The following PCOLCE2 variants were observed in gnomAD, a reference collection of about 807,000 sequenced individuals.
PCOLCE2 encodes the protein procollagen C-proteinase enhancer 2.
Under a neutral mutation model 47.0 loss-of-function variants are expected in PCOLCE2, and 42 were observed. That is an observed-to-expected ratio of 0.89 (90% confidence interval 0.70 to 1.16). The LOEUF (loss-of-function observed/expected upper bound fraction) is 1.16. Among genes scored for constraint, PCOLCE2 ranks in the 50% most tolerant of loss-of-function variants. The pLI is 0.00. For synonymous variants in PCOLCE2, 169 were observed against 191.7 expected (o/e 0.88, Z 0.98); for missense variants, 500 against 526.1 (o/e 0.95, Z 0.49).
At chr3:142,856,200 C>T (rs112875137) in intron 2 of PCOLCE2, among the ~76,000 whole-genome samples, 2,345 of 152,280 alleles carry the variant, frequency 0.015, 64 homozygotes, top group African/African-American at 0.054. Context: ...AAGCACCTCA[C>T]TTTCGAGTAG....
chr3:142,822,084 AT>A, intron 7 of PCOLCE2, among the ~76,000 whole-genome samples: 1 of 151,868 alleles, frequency 6.6e-6, no homozygotes. Context: ...CACCCAGCTA[AT>A]TTTGTATTTT....
At chr3:142,861,340 C>T (rs1933179501) in intron 2 of PCOLCE2, among the ~76,000 whole-genome samples, 3 of 152,200 alleles carry the variant, frequency 2.0e-5, no homozygotes, top group Admixed American at 2.0e-4. Flanking sequence ...ATAACTCCCT[C>T]CTCTCCAAAT....
chr3:142,821,311 C>G lies in PCOLCE2; in HGVS notation c.950-266G>C, dbSNP rs572604445. Among the ~76,000 whole-genome samples the G allele has an allele frequency of 1.1e-4, 16 of 152,282 alleles. No individual in the cohort carries two copies. The South Asian group carries it at 3.3e-3, about 32-fold the overall frequency. On this transcript the variant is annotated intron_variant, in intron 7 of 8. Transcript: ENST00000295992. ...CTGCGGTCCATTGCCAAGGTTGAAA[C>G]TCTTTAAAACGTTTTATCCAACTTG...
Position 142,818,283 on chromosome 3 carries a change from A to G in PCOLCE2, c.*52T>C, listed in dbSNP as rs1038209427. On this transcript the variant is annotated 3_prime_UTR_variant, in exon 9 of 9. Coordinates refer to ENST00000295992, the MANE Select transcript of PCOLCE2 (RefSeq NM_013363.4). ...ATTTTTTTTTCTACTGAGAGAACAT[A>G]GATCTTTCAAAGGCAATGGCAGAAT... The G allele has an allele frequency of 3.3e-6, 5 of 1,526,406 alleles. No homozygotes were observed. In the African/African-American group the frequency reaches 6.9e-5, roughly 21 times the overall value. The allele number at this position is 1,526,406 out of a possible 1,614,324, so 94.6% of individuals were successfully genotyped here.
intron 3 of PCOLCE2, among the ~76,000 whole-genome samples, chr3:142,844,315 T>C (rs1486286106): frequency 1.2e-4 from 18 of 152,236 alleles, no homozygotes. Context: ...TTACCCATTC[T>C]CCTGCTGATG....
intron 5 of PCOLCE2, among the ~76,000 whole-genome samples, chr3:142,833,787 T>C (rs1310663712): frequency 6.6e-6 from 1 of 152,184 alleles, no homozygotes; most frequent in Non-Finnish European, 1.5e-5. Flanking sequence ...TGGGTGGTTA[T>C]CTGTTCCTTG....
intron 2 of PCOLCE2, among the ~76,000 whole-genome samples, chr3:142,859,014 C>T (rs72994562): frequency 0.04 from 6,144 of 151,872 alleles, 426 homozygotes; most frequent in African/African-American, 0.14. Flanking sequence ...TGAGGGAGAC[C>T]TTTCCCATTA....
intron 2 of PCOLCE2, among the ~76,000 whole-genome samples, chr3:142,855,440 G>A (rs1457476357): frequency 6.6e-6 from 1 of 152,132 alleles, no homozygotes; most frequent in Non-Finnish European, 1.5e-5. Flanking sequence ...GATCCTTACG[G>A]GGAGGAAGAA....
At chr3:142,833,117 C>T (rs561163485) in intron 5 of PCOLCE2, among the ~76,000 whole-genome samples, 22 of 152,166 alleles carry the variant, frequency 1.4e-4, no homozygotes, top group Non-Finnish European at 2.8e-4. Context: ...CATCACTATG[C>T]GATATATTGT....
At chr3:142,887,840 C>A in intron 1 of PCOLCE2, 63 bp from the exon 2 acceptor site, 2 of 897,358 alleles carry the variant, frequency 2.2e-6, no homozygotes, top group Non-Finnish European at 3.7e-6. Flanking sequence ...TCTGATGTTA[C>A]CTTCAGAAAG....
chr3:142,883,971 T>C lies in PCOLCE2; in HGVS notation c.192+3698A>G, dbSNP rs72993771. ...TTGGGAACACATCCTAGCAGGTAGC[T>C]CCCCATGTGTTTATCACCTCTAAAT... On this transcript the variant is annotated intron_variant, in intron 2 of 8. Transcript: ENST00000295992. 2.1e-3 allele frequency among the ~76,000 whole-genome samples: 315 copies of C among 152,242 alleles called. 1 individual carries two copies. Among genetic ancestry groups the C allele is most frequent in the African/African-American group, 7.3e-3 (304 of 41,538 alleles).
intron 7 of PCOLCE2, 103 bp downstream of exon 7, chr3:142,823,429 C>T (rs1243696940): frequency 1.0e-5 from 7 of 687,602 alleles, no homozygotes; most frequent in Middle Eastern, 2.5e-4. Context: ...AAATGAGCAG[C>T]GTTATTGACC....
chr3:142,882,297 C>T (rs1302592727), intron 2 of PCOLCE2, among the ~76,000 whole-genome samples: 2 of 152,118 alleles, frequency 1.3e-5, no homozygotes, highest in Non-Finnish European at 2.9e-5. Flanking sequence ...TCTTCCTCCT[C>T]GGCCTCCCAA....
intron 2 of PCOLCE2, among the ~76,000 whole-genome samples, chr3:142,851,794 A>G (rs1476391933): frequency 6.6e-6 from 1 of 152,060 alleles, no homozygotes; most frequent in Non-Finnish European, 1.5e-5. Context: ...CATCAAGGAG[A>G]GGAATAGGGA....
intron 2 of PCOLCE2, among the ~76,000 whole-genome samples, chr3:142,857,807 C>A (rs920394815): frequency 1.3e-5 from 2 of 152,194 alleles, no homozygotes; most frequent in Non-Finnish European, 2.9e-5. Context: ...GAAAGAATAA[C>A]AGAGGAGCTT....
intron 6 of PCOLCE2, chr3:142,827,415 A>C (rs1014805609): frequency 6.4e-7 from 1 of 1,568,182 alleles, no homozygotes; most frequent in African/African-American, 1.4e-5. Flanking sequence ...TTGGAGCCAG[A>C]GGGCAGCTTC....
At position 142,837,099 on chromosome 3, in the gene PCOLCE2, C is replaced by T. The variant is rs112903796; in HGVS notation, c.710+1671G>A. Among the ~76,000 whole-genome samples, 330 of 152,254 alleles carry T rather than the reference C, an allele frequency of 2.2e-3. 2 individuals are homozygous for T. The highest frequency in any genetic ancestry group is 7.7e-3 in the African/African-American group (318 of 41,554). ...GACTAAGAAGAGGAGACAGAAGCAG[C>T]GACTGAAGTGACACACTTTGCCGAT... On this transcript the variant is annotated intron_variant, in intron 5 of 8. Coordinates refer to ENST00000295992, the MANE Select transcript of PCOLCE2 (RefSeq NM_013363.4).
intron 5 of PCOLCE2, among the ~76,000 whole-genome samples, chr3:142,831,270 G>A (rs927207935): frequency 2.6e-5 from 4 of 152,174 alleles, no homozygotes; most frequent in Non-Finnish European, 4.4e-5. Context: ...GGATTAATGG[G>A]CAATCACGGG....
intron 2 of PCOLCE2, among the ~76,000 whole-genome samples, chr3:142,880,325 T>C (rs917315768): frequency 2.6e-5 from 4 of 152,108 alleles, no homozygotes; most frequent in African/African-American, 9.6e-5. Context: ...CCAAGAAATA[T>C]GTGTTTAAAG....
Sources: allele counts gnomAD v4.1 joint callset (sites outside exome capture counted in the v4.1 genomes callset), GRCh38; gene constraint gnomAD v4.1.1; transcripts MANE v1.5; gene names NCBI Gene and HGNC (gene_info 2026-07-23, HGNC 2026-07-21).